Variants in IL1RAPL2 observed in about 807,000 individuals in gnomAD.
IL1RAPL2 encodes the protein X-linked interleukin-1 receptor accessory protein-like 2.
In IL1RAPL2, 3 loss-of-function variants were observed where a neutral mutation model predicts 44.1. The observed-to-expected ratio is 0.07, with a 90% CI of 0.03 to 0.18. The LOEUF (loss-of-function observed/expected upper bound fraction) is 0.18, where lower values mean the gene tolerates loss of function less well. IL1RAPL2 is among the 10% of genes least tolerant of loss of function. The pLI, the probability that IL1RAPL2 is intolerant of heterozygous loss-of-function variation, is 1.00. For missense variants in IL1RAPL2, 391 were observed against 496.4 expected, an observed-to-expected ratio of 0.79 and a Z score of 2.02; for synonymous variants, 181 against 178.8, an observed-to-expected ratio of 1.01 and a Z score of -0.10.
chrX:105,017,285 T>C (rs948709071), intron 2 of IL1RAPL2, among the ~76,000 whole-genome samples: 1 of 111,484 alleles, frequency 9.0e-6, no homozygotes, highest in Non-Finnish European at 1.9e-5. Flanking sequence ...GGAAAGATTT[T>C]TGTGTCTATC....
At position 104,566,322 on chromosome X, in the gene IL1RAPL2, G is replaced by C. The variant is rs1928029044; in HGVS notation, c.-749G>C. 1 of 112,863 alleles carries C rather than the reference G, an allele frequency of 8.9e-6. No individual in the cohort carries two copies. The highest frequency in any genetic ancestry group is 3.2e-5 in the African/African-American group (1 of 31,093). The allele number at this position is 112,863 out of a possible 1,213,427, so 9.3% of individuals were successfully genotyped here. ...CAGCAGCGGTGGCAGGATGTGAGGC[G>C]AGCCTGGAGCTCATTTCCAGGCGCC... On this transcript the variant is annotated 5_prime_UTR_variant, in exon 1 of 11. Coordinates refer to ENST00000372582, the MANE Select transcript of IL1RAPL2 (RefSeq NM_017416.2).
chrX:105,159,959 A>T (rs1404654369), intron 2 of IL1RAPL2, among the ~76,000 whole-genome samples: 1 of 106,073 alleles, frequency 9.4e-6, no homozygotes, highest in Non-Finnish European at 1.9e-5. Context: ...TCAGCTAATA[A>T]TTAGATACAG....
chrX:104,898,915 G>A (rs1194082158), intron 2 of IL1RAPL2, among the ~76,000 whole-genome samples: 3 of 112,137 alleles, frequency 2.7e-5, no homozygotes, highest in African/African-American at 9.7e-5. Context: ...AGTTGTTTTT[G>A]TATGATAAAA....
intron 7 of IL1RAPL2, among the ~76,000 whole-genome samples, chrX:105,730,146 T>C (rs977541050): frequency 1.8e-5 from 2 of 110,894 alleles, no homozygotes; most frequent in Non-Finnish European, 3.8e-5. Context: ...GAGACACATA[T>C]AGACTAAAAG....
chrX:105,036,632 C>T (rs57939817), intron 2 of IL1RAPL2, among the ~76,000 whole-genome samples: 2,003 of 112,038 alleles, frequency 0.018, 51 homozygotes, highest in African/African-American at 0.062. Context: ...AGAAGACTTG[C>T]TTGTCTGTCC....
intron 2 of IL1RAPL2, among the ~76,000 whole-genome samples, chrX:104,816,379 T>G (rs1348636447): frequency 1.8e-5 from 2 of 112,072 alleles, no homozygotes; most frequent in East Asian, 5.6e-4. Context: ...GCCCTACTGA[T>G]AGTGAGTCAA....
chrX:104,670,172 G>A (rs986232025), intron 2 of IL1RAPL2, among the ~76,000 whole-genome samples: 1 of 111,187 alleles, frequency 9.0e-6, no homozygotes, highest in Non-Finnish European at 1.9e-5. Context: ...AAGTCCAAAA[G>A]CCTCAAAAGC....
intron 2 of IL1RAPL2, among the ~76,000 whole-genome samples, chrX:105,147,997 A>C (rs2033194035): frequency 9.0e-6 from 1 of 111,194 alleles, no homozygotes; most frequent in Admixed American, 9.6e-5. Flanking sequence ...GGGTAAACAA[A>C]CCTAATTATT....
chrX:105,090,598 T>A (rs774302491), intron 2 of IL1RAPL2, among the ~76,000 whole-genome samples: 2 of 112,203 alleles, frequency 1.8e-5, no homozygotes, highest in Non-Finnish European at 3.8e-5. Context: ...AGCAGGCCTC[T>A]GAGGTTACCT....
intron 6 of IL1RAPL2, among the ~76,000 whole-genome samples, chrX:105,548,859 A>C (rs2036828965): frequency 8.9e-6 from 1 of 112,411 alleles, no homozygotes; most frequent in Non-Finnish European, 1.9e-5. Context: ...AATGGTAGCT[A>C]TTAGCATTAT....
chrX:104,836,584 C>A (rs1419084053), intron 2 of IL1RAPL2, among the ~76,000 whole-genome samples: 1 of 110,382 alleles, frequency 9.1e-6, no homozygotes, highest in African/African-American at 3.3e-5. Flanking sequence ...AAGAAAACAA[C>A]CACATTGACC....
intron 6 of IL1RAPL2, among the ~76,000 whole-genome samples, chrX:105,516,535 G>A (rs1048325263): frequency 8.9e-6 from 1 of 111,788 alleles, no homozygotes; most frequent in Non-Finnish European, 1.9e-5. Flanking sequence ...GAAATGGTTT[G>A]GTTGACCTTT....
intron 5 of IL1RAPL2, among the ~76,000 whole-genome samples, chrX:105,286,483 AC>A (rs1193982120): frequency 1.6e-4 from 17 of 108,676 alleles, no homozygotes; most frequent in Non-Finnish European, 3.0e-4. Context: ...AAAAAAAAAA[AC>A]GAAGATGCTT....
chrX:104,683,851 G>T, intron 2 of IL1RAPL2, among the ~76,000 whole-genome samples: 1 of 111,763 alleles, frequency 8.9e-6, no homozygotes, highest in Non-Finnish European at 1.9e-5. Context: ...TTGAGGTGGG[G>T]GTATGTGAAT....
At chrX:105,359,982 C>T (rs1277771732) in intron 5 of IL1RAPL2, among the ~76,000 whole-genome samples, 2 of 110,889 alleles carry the variant, frequency 1.8e-5, no homozygotes, top group Non-Finnish European at 3.8e-5. Flanking sequence ...ACATTAGAAC[C>T]CAGGTCTCTC....
chrX:105,034,074 T>A lies in IL1RAPL2; in HGVS notation c.83-161401T>A, dbSNP rs1015932482. ...TCTGGAGCCTTGGCTTTCAGCTCCA[T>A]CAGTTCCTTTAAGGACTTCTCTGCA... On this transcript the variant is annotated intron_variant, in intron 2 of 10. Transcript: ENST00000372582. 6.2e-5 allele frequency among the ~76,000 whole-genome samples: 7 copies of A among 112,358 alleles called. No homozygotes were observed. In the East Asian group the frequency reaches 8.5e-4, roughly 14 times the overall value.
chrX:104,800,325 A>G (rs1195421739), intron 2 of IL1RAPL2, among the ~76,000 whole-genome samples: 2 of 110,782 alleles, frequency 1.8e-5, no homozygotes, highest in Non-Finnish European at 3.8e-5. Flanking sequence ...GCTATAAATA[A>G]GATTATATAT....
chrX:105,746,755 C>A (rs1025199951), intron 8 of IL1RAPL2, among the ~76,000 whole-genome samples: 1 of 111,792 alleles, frequency 8.9e-6, no homozygotes, highest in Non-Finnish European at 1.9e-5. Flanking sequence ...TACCTAATAG[C>A]AACTCTACTC....
At chrX:104,795,680 A>C (rs890749634) in intron 2 of IL1RAPL2, among the ~76,000 whole-genome samples, 1 of 111,053 alleles carries the variant, frequency 9.0e-6, no homozygotes, top group Non-Finnish European at 1.9e-5. Context: ...TTGCCGTAAA[A>C]TTATTTTTGT....
Sources: gnomAD v4.1 joint callset for allele counts (sites outside exome capture counted in the v4.1 genomes callset) on GRCh38, gnomAD v4.1.1 for gene constraint, MANE v1.5 for transcripts, NCBI Gene and HGNC (gene_info 2026-07-23, HGNC 2026-07-21) for gene names.